DMD: variants seen among roughly 807,000 people sequenced by gnomAD.
The protein encoded by DMD is mutant dystrophin.
Under a neutral mutation model 330.1 loss-of-function variants are expected in DMD, and 63 were observed. The observed-to-expected ratio is 0.19, with a 90% CI of 0.16 to 0.24. DMD has a LOEUF of 0.24. Among genes scored for constraint, DMD ranks in the 10% least tolerant of loss-of-function variants. The probability of loss-of-function intolerance (pLI) is 1.00; values close to 1 mark genes in which losing one functional copy is unlikely to be tolerated. For missense variants in DMD, 3,344 were observed against 2,684.1 expected (o/e 1.25, Z -5.43); for synonymous variants, 1,223 against 959.8 (o/e 1.27, Z -5.07).
chrX:32,773,524 T>A (rs12008415), intron 7 of DMD, among the ~76,000 whole-genome samples: 3,790 of 108,044 alleles, frequency 0.035, 162 homozygotes, highest in African/African-American at 0.12. Flanking sequence ...TTATTTTTTT[T>A]TTTTTTTTTA....
chrX:32,478,919 T>C (rs1488556085), intron 21 of DMD, among the ~76,000 whole-genome samples: 1 of 110,748 alleles, frequency 9.0e-6, no homozygotes, highest in Admixed American at 9.7e-5. Flanking sequence ...CCAACTGAAA[T>C]TGGGGTCATT....
intron 7 of DMD, among the ~76,000 whole-genome samples, chrX:32,739,698 C>CAA (rs2148161961): frequency 9.0e-6 from 1 of 111,543 alleles, no homozygotes; most frequent in East Asian, 2.9e-4. Context: ...GAAAGTACCA[C>CAA]TGTTGAAGTG....
chrX:32,523,847 C>A (rs915869243), intron 17 of DMD, among the ~76,000 whole-genome samples: 2 of 111,088 alleles, frequency 1.8e-5, no homozygotes. Context: ...ACTGTTATAC[C>A]ACCACCTCCA....
At chrX:31,449,180 ACCTGGCATAGTCTGCAGTG>A (rs2065504240) in intron 59 of DMD, among the ~76,000 whole-genome samples, 1 of 111,492 alleles carries the variant, frequency 9.0e-6, no homozygotes, top group African/African-American at 3.3e-5. Flanking sequence ...GAATCAACAG[ACCTGGCATAGTCTGCAGTG>A]CCTGGCATAG....
chrX:31,419,297 A>C lies in DMD; in HGVS notation c.9084+25184T>G, dbSNP rs1206516692. The stretch of plus-strand genomic sequence containing the variant: ...CTAAACAGGTCACATGACCTCTACT[A>C]TCCCTGGAATTATAATACTAGTTAG... On this transcript the variant is annotated intron_variant, in intron 60 of 78. Transcript: ENST00000357033. Among the ~76,000 whole-genome samples the C allele has an allele frequency of 7.6e-5, 8 of 105,335 alleles. No individual in the cohort carries two copies. The Admixed American group carries it at 8.6e-4, about 11-fold the overall frequency. 91.5% of individuals were successfully genotyped at this position (105,335 alleles called of 115,157 possible).
chrX:31,720,713 C>T (rs1208739457), intron 52 of DMD, among the ~76,000 whole-genome samples: 1 of 110,771 alleles, frequency 9.0e-6, no homozygotes, highest in African/African-American at 3.3e-5. Flanking sequence ...CATTTGTTAA[C>T]CCAGATCTTT....
At chrX:32,815,022 G>A (rs112371748) in intron 6 of DMD, among the ~76,000 whole-genome samples, 372 of 111,156 alleles carry the variant, frequency 3.3e-3, no homozygotes, top group African/African-American at 0.011. Flanking sequence ...TAACTGTATT[G>A]AGGCTGTGGA....
chrX:32,492,482 T>C (rs1310120736), intron 19 of DMD, among the ~76,000 whole-genome samples: 2 of 112,535 alleles, frequency 1.8e-5, no homozygotes, highest in African/African-American at 3.2e-5. Context: ...GAAAACTTTA[T>C]CAAGGGAAAA....
intron 44 of DMD, among the ~76,000 whole-genome samples, chrX:32,096,562 A>T (rs1254200604): frequency 9.1e-6 from 1 of 110,386 alleles, no homozygotes; most frequent in East Asian, 2.8e-4. Flanking sequence ...CCATTAAAAA[A>T]ATACAAAAAA....
intron 44 of DMD, among the ~76,000 whole-genome samples, chrX:32,043,463 A>G (rs2096028825): frequency 1.8e-5 from 2 of 112,507 alleles, no homozygotes; most frequent in African/African-American, 3.2e-5. Context: ...CTAGGAAGTG[A>G]ATGCAATACT....
intron 1 of DMD, among the ~76,000 whole-genome samples, chrX:33,130,562 A>T (rs2148535470): frequency 9.3e-6 from 1 of 107,474 alleles, no homozygotes; most frequent in East Asian, 2.9e-4. Context: ...ATATATAAAT[A>T]TATATATATA....
At chrX:32,054,088 TGAGA>T (rs751524877) in intron 44 of DMD, among the ~76,000 whole-genome samples, 8,144 of 69,347 alleles carry the variant, frequency 0.12, 375 homozygotes, top group Non-Finnish European at 0.13. Context: ...TGTGTGTGTG[TGAGA>T]GAGAGAGAGA....
At chrX:31,695,484 T>C (rs772928102) in intron 52 of DMD, among the ~76,000 whole-genome samples, 2 of 110,657 alleles carry the variant, frequency 1.8e-5, no homozygotes, top group South Asian at 7.6e-4. Flanking sequence ...TCATTCTCCA[T>C]GATGTGCTTG....
At chrX:32,830,478 CTGTG>C (rs1307428552) in intron 4 of DMD, among the ~76,000 whole-genome samples, 1 of 111,544 alleles carries the variant, frequency 9.0e-6, no homozygotes, top group Non-Finnish European at 1.9e-5. Context: ...TACGAGCCTA[CTGTG>C]TGTATCAGTG....
At chrX:33,190,905 TATATA>T (rs2050538181) in intron 1 of DMD, among the ~76,000 whole-genome samples, 1 of 735 alleles carries the variant, frequency 1.4e-3, no homozygotes, top group African/African-American at 4.3e-3. Context: ...TATTATATAA[TATATA>T]ATATTATATA....
rs546914107 is a variant in DMD, at chrX:32,777,277, T to TG, written c.649+32215dup. Among the ~76,000 whole-genome samples, 2 of 2,111 alleles carry TG rather than the reference T, an allele frequency of 9.5e-4. 1 individual carries two copies. Among genetic ancestry groups the TG allele is most frequent in the African/African-American group, 6.2e-3 (2 of 323 alleles). 1.8% of individuals were successfully genotyped at this position (2,111 alleles called of 115,157 possible). On this transcript the variant is annotated intron_variant, in intron 7 of 78. Coordinates refer to ENST00000357033, the MANE Select transcript of DMD (RefSeq NM_004006.3). ...CTAGTTTTTAAGTTTGGTTTCTGGT[T>TG]GGGGGGGGAATCCTACCAAGCTAGG...
intron 62 of DMD, among the ~76,000 whole-genome samples, chrX:31,280,294 T>C (rs2052513954): frequency 8.9e-6 from 1 of 112,150 alleles, no homozygotes; most frequent in Non-Finnish European, 1.9e-5. Context: ...ATTCATAATA[T>C]CCTCAAGCTG....
chrX:32,433,440 G>C (rs2098246583), intron 29 of DMD, among the ~76,000 whole-genome samples: 1 of 111,958 alleles, frequency 8.9e-6, no homozygotes, highest in Non-Finnish European at 1.9e-5. Flanking sequence ...CACTTTGGGA[G>C]GCCGAGGCGG....
chrX:32,106,921 T>C (rs1303043647), intron 44 of DMD, among the ~76,000 whole-genome samples: 1 of 112,267 alleles, frequency 8.9e-6, no homozygotes, highest in African/African-American at 3.2e-5. Context: ...CATGTACTTT[T>C]ACACCAAGTT....
Sources: gnomAD v4.1 joint callset for allele counts (sites outside exome capture counted in the v4.1 genomes callset) on GRCh38, gnomAD v4.1.1 for gene constraint, MANE v1.5 for transcripts, NCBI Gene and HGNC (gene_info 2026-07-23, HGNC 2026-07-21) for gene names.